Variants in NKAIN1 observed in about 807,000 individuals in gnomAD.
NKAIN1 encodes the protein sodium/potassium transporting ATPase interacting 1.
NKAIN1 carries 13 observed loss-of-function variants against 31.6 expected under a neutral mutation model. That is an observed-to-expected ratio of 0.41 (90% CI 0.27 to 0.65). NKAIN1 has a LOEUF of 0.65. NKAIN1 is among the 30% of genes least tolerant of loss of function. The pLI is 0.30. For synonymous variants in NKAIN1, 104 were observed against 109.0 expected (o/e 0.95, Z 0.28); for missense variants, 193 against 262.2 (o/e 0.74, Z 1.82).
intron 1 of NKAIN1, among the ~76,000 whole-genome samples, chr1:31,204,115 G>A (rs1451188669): frequency 6.6e-6 from 1 of 152,188 alleles, no homozygotes; most frequent in Non-Finnish European, 1.5e-5. Flanking sequence ...ATATGGAGAG[G>A]GTATGGACAG....
chr1:31,202,793 A>G (rs1190122432), intron 1 of NKAIN1, among the ~76,000 whole-genome samples: 2 of 149,620 alleles, frequency 1.3e-5, no homozygotes, highest in East Asian at 3.9e-4. Flanking sequence ...CCTGGCCAAC[A>G]TGGTGAAATC....
chr1:31,188,444 G>A (rs188483274), intron 1 of NKAIN1: 8 of 442,192 alleles, frequency 1.8e-5, no homozygotes, highest in East Asian at 7.8e-5. Flanking sequence ...TCCCTCTAGC[G>A]GCTCAAGCTC....
chr1:31,185,249 G>T lies in NKAIN1; in HGVS notation c.271C>A (p.Gln91Lys), dbSNP rs1185862270. ...CFYLEVGQLS[Q>K]DRDFIMTFNT... The stretch of plus-strand genomic sequence containing the variant: ...GCACTGCCAGGTCTGAGGCTTACCT[G>T]GGACAGCTGTCCAACCTCCAAGTAG... The change falls in exon 3 of 7, where the codon CAG becomes AAG. Residue 91 changes from glutamine to lysine, a missense_variant and splice_region_variant. By Grantham distance (53) the Gln-to-Lys change is moderately conservative. Transcript: ENST00000373736. 1 of 1,607,080 alleles carries T rather than the reference G, an allele frequency of 6.2e-7. No individual in the cohort carries two copies. The highest frequency in any genetic ancestry group is 1.1e-5 in the South Asian group (1 of 89,470).
In NKAIN1 at chr1:31,185,289, T is replaced by G. The variant is rs1432580585; in HGVS notation, c.231A>C (p.Ala77=). 5 of 1,610,880 alleles carry G rather than the reference T, an allele frequency of 3.1e-6. No individual in the cohort carries two copies. In the African/African-American group the frequency reaches 6.7e-5, roughly 22 times the overall value. ...CCTCCAAGTAGAAGCAGATGATAAATGCATTCCAGCCAACCCAGAGCACCA... is the reference window on the plus strand; with the variant it reads ...CCTCCAAGTAGAAGCAGATGATAAAGGCATTCCAGCCAACCCAGAGCACCA... ...AWLVLWVGWN[A]FIICFYLEVG... is the part of the protein sequence containing the mutation. The change falls in exon 3 of 7, where the codon GCA becomes GCC. Residue 77 remains alanine, a synonymous_variant. Coordinates refer to ENST00000373736, the MANE Select transcript of NKAIN1 (RefSeq NM_024522.3).
intron 1 of NKAIN1, among the ~76,000 whole-genome samples, chr1:31,192,835 T>C (rs1645296625): frequency 6.6e-6 from 1 of 151,142 alleles, no homozygotes; most frequent in Non-Finnish European, 1.5e-5. Flanking sequence ...ATTACAGGCG[T>C]GAGCCACCAT....
At chr1:31,188,224 CT>C (rs754551372) in intron 1 of NKAIN1, 37 bp from the exon 2 acceptor site, 15 of 1,546,508 alleles carry the variant, frequency 9.7e-6, no homozygotes, top group Non-Finnish European at 1.1e-5. Context: ...TGTCACCCCC[CT>C]GAAAGGGAAG....
intron 2 of NKAIN1, among the ~76,000 whole-genome samples, chr1:31,187,359 C>T (rs543486843): frequency 3.3e-5 from 5 of 152,202 alleles, no homozygotes; most frequent in African/African-American, 1.2e-4. Flanking sequence ...CTATCAGGGA[C>T]CAGGACTTGG....
chr1:31,198,518 G>A (rs1056954645), intron 1 of NKAIN1, among the ~76,000 whole-genome samples: 2 of 151,892 alleles, frequency 1.3e-5, no homozygotes, highest in Non-Finnish European at 2.9e-5. Context: ...TCCCCCACTC[G>A]CCGCAGCCCA....
intron 1 of NKAIN1, among the ~76,000 whole-genome samples, chr1:31,238,105 G>T (rs1645705379): frequency 2.0e-5 from 3 of 152,172 alleles, no homozygotes; most frequent in African/African-American, 7.2e-5. Flanking sequence ...CCAGTGGGGG[G>T]AAGTCACTTG....
At chr1:31,191,346 C>A (rs1193635070) in intron 1 of NKAIN1, among the ~76,000 whole-genome samples, 1 of 149,186 alleles carries the variant, frequency 6.7e-6, no homozygotes, top group Non-Finnish European at 1.5e-5. Flanking sequence ...CAAAGTGGTA[C>A]CCACTCAAAC....
At chr1:31,223,730 CA>C (rs1322458888) in intron 1 of NKAIN1, among the ~76,000 whole-genome samples, 3 of 152,190 alleles carry the variant, frequency 2.0e-5, no homozygotes, top group Admixed American at 2.0e-4. Context: ...AGGCGTGAGC[CA>C]CCACGCCCAG....
rs77251107 is a variant in NKAIN1 at position 31,187,199 on chromosome 1, C to T, written c.192+851G>A. The stretch of plus-strand genomic sequence containing the variant: ...TGTGTGGGCTCTGGAGGCAGCATGA[C>T]ATTGCATGTCATTGTGATTGTAGGT... On this transcript the variant is annotated intron_variant, in intron 2 of 6. Coordinates refer to ENST00000373736, the MANE Select transcript of NKAIN1 (RefSeq NM_024522.3). 3.2e-4 allele frequency among the ~76,000 whole-genome samples: 48 copies of T among 152,254 alleles called. No individual in the cohort carries two copies. The East Asian group carries it at 9.3e-3, about 29-fold the overall frequency.
intron 1 of NKAIN1, among the ~76,000 whole-genome samples, chr1:31,203,023 C>G (rs1645395224): frequency 6.8e-6 from 1 of 147,954 alleles, no homozygotes; most frequent in Admixed American, 6.9e-5. Flanking sequence ...CGGGTAATCC[C>G]AGCACTTTGG....
At chr1:31,205,221 C>G (rs1014803200) in intron 1 of NKAIN1, among the ~76,000 whole-genome samples, 1 of 152,048 alleles carries the variant, frequency 6.6e-6, no homozygotes, top group Non-Finnish European at 1.5e-5. Context: ...ACCTCTGTCT[C>G]CCGGGTTCAC....
Position 31,214,458 on chromosome 1 carries a change from T to TA in NKAIN1, c.54+25035dup, listed in dbSNP as rs199730020. ...TATGTGAATTATATCTCAATAAAGT[T>TA]AAAAAAAAAAAAAAAGAAAAAAACC... On this transcript the variant is annotated intron_variant, in intron 1 of 6. Transcript: ENST00000373736. 7.9e-3 allele frequency among the ~76,000 whole-genome samples: 1,056 copies of TA among 132,878 alleles called. 4 individuals are homozygous for TA. Among genetic ancestry groups the TA allele is most frequent in the African/African-American group, 0.015 (569 of 37,088 alleles). The allele number at this position is 132,878 out of a possible 152,430, so 87.2% of individuals were successfully genotyped here.
At chr1:31,221,229 G>C (rs1309943893) in intron 1 of NKAIN1, among the ~76,000 whole-genome samples, 3 of 152,188 alleles carry the variant, frequency 2.0e-5, no homozygotes, top group African/African-American at 7.2e-5. Context: ...TGCAACCTGA[G>C]TTTAGGGACA....
chr1:31,218,590 T>C (rs972103120), intron 1 of NKAIN1, among the ~76,000 whole-genome samples: 2 of 152,188 alleles, frequency 1.3e-5, no homozygotes. Context: ...CAGCTTCCTC[T>C]TCTGCAAAAT....
chr1:31,237,163 ATTGT>A (rs1645698254), intron 1 of NKAIN1, among the ~76,000 whole-genome samples: 3 of 152,118 alleles, frequency 2.0e-5, no homozygotes, highest in African/African-American at 2.4e-5. Context: ...AGGTGGGAGG[ATTGT>A]TTGAGCCTGG....
At chr1:31,189,008 G>A (rs570053276) in intron 1 of NKAIN1, among the ~76,000 whole-genome samples, 5 of 147,086 alleles carry the variant, frequency 3.4e-5, no homozygotes, top group African/African-American at 7.5e-5. Flanking sequence ...GTGAGACCCC[G>A]TCTCAAAAAA....
Sources: allele counts gnomAD v4.1 joint callset (sites outside exome capture counted in the v4.1 genomes callset), GRCh38; gene constraint gnomAD v4.1.1; transcripts MANE v1.5; gene names NCBI Gene and HGNC (gene_info 2026-07-23, HGNC 2026-07-21).